The following TACR1 variants were observed in gnomAD, a reference collection of about 807,000 sequenced individuals.
The protein encoded by TACR1 is substance-P receptor.
Under a neutral mutation model 35.8 loss-of-function variants are expected in TACR1, and 25 were observed. The ratio of observed to expected loss-of-function variants is 0.70; its 90% CI spans 0.51 to 0.98. TACR1 has a LOEUF of 0.98. Among genes scored for constraint, TACR1 ranks in the 50% least tolerant of loss-of-function variants. TACR1 has a pLI of 0.00. For synonymous variants in TACR1, 195 were observed against 206.7 expected (o/e 0.94, Z 0.48); for missense variants, 478 against 522.9 (o/e 0.91, Z 0.84).
intron 1 of TACR1, among the ~76,000 whole-genome samples, chr2:75,182,907 G>T (rs988632553): frequency 6.6e-6 from 1 of 152,094 alleles, no homozygotes; most frequent in African/African-American, 2.4e-5. Flanking sequence ...TTCTTTACTA[G>T]CTCTTAAGAC....
Position 75,117,334 on chromosome 2 carries a change from G to C in TACR1, c.584+3240C>G, listed in dbSNP as rs959775133. ...TGAAGGTCCACCATACAGCCAGAAG[G>C]CAGGTGCAGCAACCTGAGATTTTTC... is the stretch of plus-strand genomic sequence containing the variant. On this transcript the variant is annotated intron_variant, in intron 2 of 4. Coordinates refer to ENST00000305249, the MANE Select transcript of TACR1 (RefSeq NM_001058.4). 1.1e-4 allele frequency among the ~76,000 whole-genome samples: 17 copies of C among 152,216 alleles called. 1 individual carries two copies. The highest frequency in any genetic ancestry group is 4.1e-4 in the African/African-American group (17 of 41,458).
chr2:75,100,065 T>A (rs2103870012), intron 2 of TACR1, among the ~76,000 whole-genome samples: 1 of 152,244 alleles, frequency 6.6e-6, no homozygotes, highest in South Asian at 2.1e-4. Flanking sequence ...CCATTCTTCC[T>A]CACCTACCAT....
rs540708629 is a variant in TACR1 at position 75,177,677 on chromosome 2, C to A, written c.389+20869G>T. On this transcript the variant is annotated intron_variant, in intron 1 of 4. Coordinates refer to ENST00000305249, the MANE Select transcript of TACR1 (RefSeq NM_001058.4). Reference sequence around the variant, plus strand: ...TAGATTCCACCCACCACCCTACAGTCACTCCTCACATATGCCCTTGACTCC... The same window carrying A: ...TAGATTCCACCCACCACCCTACAGTAACTCCTCACATATGCCCTTGACTCC... Among the ~76,000 whole-genome samples the A allele has an allele frequency of 2.0e-5, 3 of 152,328 alleles. No individual in the cohort carries two copies. The South Asian group carries it at 6.2e-4, about 32-fold the overall frequency.
chr2:75,139,751 T>C lies in TACR1; in HGVS notation c.390-18983A>G, dbSNP rs145419033. Among the ~76,000 whole-genome samples, 1,215 of 152,290 alleles carry C rather than the reference T, an allele frequency of 8.0e-3. 11 individuals carry two copies. The highest frequency in any genetic ancestry group is 0.01 in the Non-Finnish European group (704 of 68,018). ...AGATAAGGGATTTGAGAGGCTCCGT[T>C]GGGGAGAAATAAAAACCCGACTTGT... On this transcript the variant is annotated intron_variant, in intron 1 of 4. Transcript: ENST00000305249.
At chr2:75,153,749 C>T (rs1674727173) in intron 1 of TACR1, among the ~76,000 whole-genome samples, 1 of 152,178 alleles carries the variant, frequency 6.6e-6, no homozygotes, top group African/African-American at 2.4e-5. Flanking sequence ...GACAGAGGAT[C>T]CAGGTGGACC....
At chr2:75,069,875 G>T (rs1672841702) in intron 2 of TACR1, among the ~76,000 whole-genome samples, 3 of 152,104 alleles carry the variant, frequency 2.0e-5, no homozygotes, top group Admixed American at 6.5e-5. Context: ...AGACAGCATT[G>T]TCAGGTTTCT....
chr2:75,128,678 A>G (rs1202850315), intron 1 of TACR1, among the ~76,000 whole-genome samples: 4 of 152,178 alleles, frequency 2.6e-5, no homozygotes, highest in Non-Finnish European at 2.9e-5. Flanking sequence ...GAAAAGAGCA[A>G]TGGTAGCAAG....
At chr2:75,058,137 C>G (rs1479507803) in intron 2 of TACR1, among the ~76,000 whole-genome samples, 1 of 152,144 alleles carries the variant, frequency 6.6e-6, no homozygotes, top group African/African-American at 2.4e-5. Context: ...TACAAATGCT[C>G]AATCCAAACA....
chr2:75,179,127 C>A (rs1485298648), intron 1 of TACR1, among the ~76,000 whole-genome samples: 1 of 152,194 alleles, frequency 6.6e-6, no homozygotes, highest in Non-Finnish European at 1.5e-5. Flanking sequence ...CATTTCTGTT[C>A]TTGAACCTAT....
chr2:75,091,793 T>G (rs911724676), intron 2 of TACR1, among the ~76,000 whole-genome samples: 12 of 152,344 alleles, frequency 7.9e-5, no homozygotes, highest in African/African-American at 2.6e-4. Context: ...CTGTGACTTA[T>G]CTGCTGTATG....
intron 1 of TACR1, among the ~76,000 whole-genome samples, chr2:75,167,030 A>G (rs760561548): frequency 2.0e-5 from 3 of 152,234 alleles, no homozygotes; most frequent in Non-Finnish European, 4.4e-5. Flanking sequence ...ATAGCAATAA[A>G]TAAGACTACA....
chr2:75,166,552 A>G (rs1237999127), intron 1 of TACR1, among the ~76,000 whole-genome samples: 1 of 152,184 alleles, frequency 6.6e-6, no homozygotes, highest in Non-Finnish European at 1.5e-5. Context: ...CCCCACTCCC[A>G]CACACCTTTA....
chr2:75,063,065 C>A (rs1021779202), intron 2 of TACR1, among the ~76,000 whole-genome samples: 9 of 152,120 alleles, frequency 5.9e-5, no homozygotes, highest in Non-Finnish European at 1.3e-4. Context: ...TGCAGGGAAA[C>A]TCCTCTTTTT....
At chr2:75,062,198 G>C (rs1672685265) in intron 2 of TACR1, among the ~76,000 whole-genome samples, 1 of 152,064 alleles carries the variant, frequency 6.6e-6, no homozygotes, top group South Asian at 2.1e-4. Context: ...CCGAGTGCCT[G>C]AGCTTTTCTT....
chr2:75,075,858 A>G (rs1045027358), intron 2 of TACR1, among the ~76,000 whole-genome samples: 1 of 152,266 alleles, frequency 6.6e-6, no homozygotes, highest in Non-Finnish European at 1.5e-5. Context: ...AAGCAAAAAT[A>G]GGAATATATA....
Position 75,158,855 on chromosome 2 carries a change from G to A in TACR1, c.390-38087C>T, listed in dbSNP as rs114396279. ...CGAACTCAAACGGTCCCATGTCCCA[G>A]GCCTGGCTCTGCCACCAACCAGCTG... On this transcript the variant is annotated intron_variant, in intron 1 of 4. Coordinates refer to ENST00000305249, the MANE Select transcript of TACR1 (RefSeq NM_001058.4). Among the ~76,000 whole-genome samples, 881 of 152,318 alleles carry A rather than the reference G, an allele frequency of 5.8e-3. 13 individuals carry two copies. The highest frequency in any genetic ancestry group is 0.02 in the African/African-American group (843 of 41,580).
intron 2 of TACR1, among the ~76,000 whole-genome samples, chr2:75,072,755 G>A (rs924205214): frequency 6.6e-6 from 1 of 152,204 alleles, no homozygotes; most frequent in Admixed American, 6.5e-5. Context: ...CTTGCACAGC[G>A]CCTGGCACAC....
At chr2:75,159,217 T>C (rs1674942634) in intron 1 of TACR1, among the ~76,000 whole-genome samples, 1 of 152,258 alleles carries the variant, frequency 6.6e-6, no homozygotes, top group South Asian at 2.1e-4. Context: ...CCCTCCTCAG[T>C]TACGTTATTT....
At chr2:75,178,960 C>G (rs1353390681) in intron 1 of TACR1, among the ~76,000 whole-genome samples, 1 of 152,074 alleles carries the variant, frequency 6.6e-6, no homozygotes, top group Non-Finnish European at 1.5e-5. Context: ...GTATACAGTC[C>G]TATGGTTTTA....
Sources: allele counts gnomAD v4.1 joint callset (sites outside exome capture counted in the v4.1 genomes callset), GRCh38; gene constraint gnomAD v4.1.1; transcripts MANE v1.5; gene names NCBI Gene and HGNC (gene_info 2026-07-23, HGNC 2026-07-21).